Variants in POM121 observed in about 807,000 individuals in gnomAD.
POM121 encodes the protein nuclear envelope pore membrane protein POM 121.
Under a neutral mutation model 81.3 loss-of-function variants are expected in POM121, and 32 were observed. That is an observed-to-expected ratio of 0.39 (90% CI 0.30 to 0.53). POM121 has a LOEUF of 0.53. POM121 is among the 20% of genes least tolerant of loss of function. The pLI is 0.66. For missense variants in POM121, 1,138 were observed against 1,614.6 expected, an observed-to-expected ratio of 0.70 and a Z score of 5.06; for synonymous variants, 514 against 694.2, an observed-to-expected ratio of 0.74 and a Z score of 4.08.
chr7:72,910,420 G>A (rs546755539), intron 3 of POM121, among the ~76,000 whole-genome samples: 72 of 152,280 alleles, frequency 4.7e-4, no homozygotes, highest in African/African-American at 1.6e-3. Flanking sequence ...TCTGCGGTGG[G>A]TGGGACGGGG....
Position 72,946,823 on chromosome 7 carries a change from GA to G in POM121, c.*590del. The G allele has an allele frequency of 1.1e-6, 1 of 905,508 alleles. No individual in the cohort carries two copies. 56.1% of individuals were successfully genotyped at this position (905,508 alleles called of 1,614,324 possible). The stretch of plus-strand genomic sequence containing the variant: ...CCCTTGAATCTAGCTTTGCCTTGGA[GA>G]CCCCAGTGGGTGCTGCTCCTGCCGT... On this transcript the variant is annotated 3_prime_UTR_variant, in exon 13 of 13. Coordinates refer to ENST00000434423, the MANE Select transcript of POM121 (RefSeq NM_001387691.1).
rs190635269 is a variant in POM121, at chr7:72,929,501, T to C, written c.1104-439T>C. Among the ~76,000 whole-genome samples, 110 of 152,328 alleles carry C rather than the reference T, an allele frequency of 7.2e-4. 1 individual carries two copies. The highest frequency in any genetic ancestry group is 5.1e-3 in the Admixed American group (78 of 15,304). Reference sequence around the variant, plus strand: ...CCTCTTAACTCTGATTTTTTTTTAATAGCTTTGTTGAGATATAATTGACAT... The same window carrying C: ...CCTCTTAACTCTGATTTTTTTTTAACAGCTTTGTTGAGATATAATTGACAT... On this transcript the variant is annotated intron_variant, in intron 4 of 12. Coordinates refer to ENST00000434423, the MANE Select transcript of POM121 (RefSeq NM_001387691.1).
chr7:72,949,600 A>G (rs1379791735), downstream of POM121: 3 of 677,168 alleles, frequency 4.4e-6, no homozygotes, highest in Admixed American at 2.5e-5. Context: ...AGGACACACA[A>G]TATTGAAACA....
At chr7:72,922,221 G>A (rs1402365351), upstream of POM121, among the ~76,000 whole-genome samples, 2 of 151,908 alleles carry the variant, frequency 1.3e-5, no homozygotes, top group African/African-American at 4.8e-5. Context: ...TAGCTTTTTT[G>A]TATCAATTGT....
At chr7:72,881,178 C>G (rs534064611) in intron 1 of POM121, among the ~76,000 whole-genome samples, 59 of 151,610 alleles carry the variant, frequency 3.9e-4, no homozygotes, top group Admixed American at 9.9e-4. Context: ...GATTCTTGTG[C>G]CTCAGCCTCC....
intron 3 of POM121, among the ~76,000 whole-genome samples, chr7:72,902,166 C>G (rs2129575678): frequency 6.6e-6 from 1 of 151,364 alleles, no homozygotes; most frequent in East Asian, 1.9e-4. Flanking sequence ...TACCTGTCTT[C>G]ATGTGTTCAG....
At chr7:72,917,602 G>T (rs1554495290) in intron 4 of POM121, among the ~76,000 whole-genome samples, 1 of 152,180 alleles carries the variant, frequency 6.6e-6, no homozygotes, top group Non-Finnish European at 1.5e-5. Context: ...AAATGCCACA[G>T]ACCATGTGGT....
At chr7:72,939,278 A>C in intron 6 of POM121, 58 bp from the exon 7 acceptor site, 1 of 1,592,402 alleles carries the variant, frequency 6.3e-7, no homozygotes, top group Non-Finnish European at 8.6e-7. Flanking sequence ...GTGAGAAATT[A>C]TTTAATACTT....
At chr7:72,883,201 C>T (rs1293311723) in intron 1 of POM121, among the ~76,000 whole-genome samples, 17 of 152,240 alleles carry the variant, frequency 1.1e-4, no homozygotes, top group East Asian at 5.8e-4. Context: ...TGCCACACCT[C>T]GCTAATTTTT....
Position 72,901,044 on chromosome 7 carries a change from G to T in POM121, c.-216+9934G>T, listed in dbSNP as rs554983438. On this transcript the variant is annotated intron_variant, in intron 3 of 15. Transcript: ENST00000395270. ...TTTATTGCCCAGGTCAGACTGCAGT[G>T]GTGTAATCATAGCTCATTGAAGCCT... 2.0e-5 allele frequency among the ~76,000 whole-genome samples: 3 copies of T among 151,216 alleles called. No homozygotes were observed. The East Asian group carries it at 5.8e-4, about 29-fold the overall frequency.
At chr7:72,944,606 C>T (rs1797474913) in intron 11 of POM121, among the ~76,000 whole-genome samples, 1 of 152,112 alleles carries the variant, frequency 6.6e-6, no homozygotes, top group South Asian at 2.1e-4. Context: ...ACAGCTGGTG[C>T]CACCCGGCCA....
intron 10 of POM121, among the ~76,000 whole-genome samples, chr7:72,941,467 G>A (rs1797059680): frequency 1.3e-5 from 2 of 148,312 alleles, no homozygotes; most frequent in South Asian, 2.2e-4. Context: ...CACCCTCCCT[G>A]CTCAAGGGCA....
rs148537382 is a variant in POM121 at position 72,881,614 on chromosome 7, T to C, written c.-521+1729T>C. Among the ~76,000 whole-genome samples, 514 of 152,160 alleles carry C rather than the reference T, an allele frequency of 3.4e-3. 3 individuals are homozygous for C. The highest frequency in any genetic ancestry group is 0.01 in the African/African-American group (419 of 41,516). ...TATTTTATGATGCATTTTAAGAGGT[T>C]TGTAAGGATTCATACTTTTTTTTTC... On this transcript the variant is annotated intron_variant, in intron 1 of 15. Coordinates refer to the POM121 transcript ENST00000395270.
chr7:72,897,807 G>T (rs10263853), intron 3 of POM121, among the ~76,000 whole-genome samples: 69,388 of 151,576 alleles, frequency 0.46, 16,488 homozygotes, highest in South Asian at 0.58. Context: ...GATCACTTGA[G>T]CCCAGGAGTT....
intron 3 of POM121, among the ~76,000 whole-genome samples, chr7:72,901,406 G>A (rs1792633703): frequency 1.3e-5 from 2 of 151,118 alleles, no homozygotes; most frequent in South Asian, 4.2e-4. Context: ...CCAGGCTGGA[G>A]TGCAGTGGTG....
In POM121 at chr7:72,925,309, C is replaced by G. The variant is rs552320806; in HGVS notation, c.188C>G (p.Thr63Ser). The change falls in exon 1 of 13, where the codon ACC becomes AGC. Residue 63 changes from threonine (T) to serine (S), a missense_variant. By Grantham distance (58) the Thr-to-Ser change is moderately conservative (BLOSUM62 1). Coordinates refer to ENST00000434423, the MANE Select transcript of POM121 (RefSeq NM_001387691.1). ...AALAWLTVGA[T>S]AAWWGLSREP... ...CTGGCCTGGCTGACCGTGGGGGCTA[C>G]CGCGGCCTGGTGGGGACTGAGCCGC... is the stretch of plus-strand genomic sequence containing the variant. 3 of 1,534,508 alleles carry G rather than the reference C, an allele frequency of 2.0e-6. No individual in the cohort carries two copies. In the African/African-American group the frequency reaches 4.1e-5, roughly 21 times the overall value.
At position 72,943,158 on chromosome 7, in the gene POM121, C is replaced by T. The variant is rs75473050; in HGVS notation, c.3165C>T (p.Pro1055=). 959 of 1,613,444 alleles carry T rather than the reference C, an allele frequency of 5.9e-4. 6 individuals are homozygous for T. The African/African-American group carries it at 0.01, about 17-fold the overall frequency. ...SAFGAPASSQ[P]AFGGSTAVFF... is the part of the protein sequence containing the mutation. ...TCGGCGCTCCCGCCAGCTCACAGCC[C>T]GCCTTTGGCGGCTCCACTGCTGTCT... is the stretch of plus-strand genomic sequence containing the variant. The change falls in exon 11 of 13, where the codon CCC becomes CCT. Residue 1055 remains proline, a synonymous_variant. Coordinates refer to ENST00000434423, the MANE Select transcript of POM121 (RefSeq NM_001387691.1).
At chr7:72,899,649 G>T (rs1353215509) in intron 3 of POM121, among the ~76,000 whole-genome samples, 2 of 150,608 alleles carry the variant, frequency 1.3e-5, no homozygotes, top group South Asian at 2.1e-4. Flanking sequence ...CGCACTCTCG[G>T]CTCACTGCAA....
chr7:72,938,792 C>T (rs1374851816), intron 6 of POM121, 111 bp downstream of exon 6: 5 of 1,299,108 alleles, frequency 3.8e-6, no homozygotes, highest in Non-Finnish European at 5.6e-6. Flanking sequence ...CTTGGAGAAT[C>T]AAAGAAACTT....
Sources: allele counts gnomAD v4.1 joint callset (sites outside exome capture counted in the v4.1 genomes callset), GRCh38; gene constraint gnomAD v4.1.1; transcripts MANE v1.5; gene names NCBI Gene and HGNC (gene_info 2026-07-23, HGNC 2026-07-21).